The following AFDN variants were observed in gnomAD, a reference collection of about 807,000 sequenced individuals.
AFDN encodes the protein afadin.
A neutral mutation model predicts 216.6 loss-of-function variants in AFDN; 68 were observed. The ratio of observed to expected loss-of-function variants is 0.31; its 90% CI spans 0.26 to 0.38. The LOEUF (loss-of-function observed/expected upper bound fraction) is 0.38, where lower values mean the gene tolerates loss of function less well. Ranked by LOEUF, AFDN falls within the 10% of genes least tolerant of loss-of-function variation. AFDN has a pLI of 1.00. For missense variants in AFDN, 2,136 were observed against 2,342.0 expected (o/e 0.91, Z 1.82); for synonymous variants, 868 against 853.7 (o/e 1.02, Z -0.29).
At chr6:167,910,172 A>G (rs921430872) in intron 13 of AFDN, among the ~76,000 whole-genome samples, 10 of 152,232 alleles carry the variant, frequency 6.6e-5, no homozygotes, top group Non-Finnish European at 1.2e-4. Flanking sequence ...GTGCCTAGCA[A>G]TGGCTTTCAA....
intron 10 of AFDN, 97 bp downstream of exon 10, chr6:167,897,069 A>T: frequency 1.8e-6 from 1 of 558,954 alleles, no homozygotes; most frequent in East Asian, 3.4e-5. Context: ...AGGAATTATA[A>T]TTACCGACTT....
rs182784415 is a variant in AFDN, at chr6:167,872,964, T to C, written c.578+587T>C. ...TTTTTACTATAACAAAAAGAGTCAC[T>C]GGGAGAAACTAGACTTTCCCCTTAA... is the stretch of plus-strand genomic sequence containing the variant. On this transcript the variant is annotated intron_variant, in intron 4 of 33. Coordinates refer to ENST00000683244, the MANE Select transcript of AFDN (RefSeq NM_001386888.1). Among the ~76,000 whole-genome samples, 539 of 152,332 alleles carry C rather than the reference T, an allele frequency of 3.5e-3. 2 individuals are homozygous for C. The highest frequency in any genetic ancestry group is 7.0e-3 in the Admixed American group (107 of 15,300).
chr6:167,878,404 C>T (rs997818135), intron 5 of AFDN, among the ~76,000 whole-genome samples: 1 of 152,004 alleles, frequency 6.6e-6, no homozygotes, highest in Non-Finnish European at 1.5e-5. Flanking sequence ...AGTGTGCCTT[C>T]TGGTGTCATG....
At chr6:167,886,626 A>G (rs1259073106) in intron 6 of AFDN, among the ~76,000 whole-genome samples, 1 of 152,202 alleles carries the variant, frequency 6.6e-6, no homozygotes, top group South Asian at 2.1e-4. Context: ...TAATTTACCT[A>G]TAGAATAATT....
chr6:167,910,310 G>A (rs1233288704), intron 13 of AFDN, among the ~76,000 whole-genome samples: 1 of 152,218 alleles, frequency 6.6e-6, no homozygotes, highest in East Asian at 1.9e-4. Context: ...GCCAATGGGT[G>A]ATGACACACT....
chr6:167,905,063 A>G (rs1033838129), intron 12 of AFDN, among the ~76,000 whole-genome samples: 1 of 151,902 alleles, frequency 6.6e-6, no homozygotes, highest in Non-Finnish European at 1.5e-5. Context: ...TTCTTGTGCT[A>G]GTGTTTGTGC....
At chr6:167,967,729 C>T (rs1436570357) in intron 32 of AFDN, among the ~76,000 whole-genome samples, 3 of 152,146 alleles carry the variant, frequency 2.0e-5, no homozygotes, top group Non-Finnish European at 2.9e-5. Context: ...CATCTGATTG[C>T]TCCACCTCTT....
chr6:167,963,366 T>G, intron 31 of AFDN: 1 of 1,058,422 alleles, frequency 9.4e-7, no homozygotes, highest in Non-Finnish European at 1.1e-6. Context: ...TCTCTGTTAC[T>G]TCCCTTCTAT....
At chr6:167,969,066 T>G (rs1797827026) in intron 32 of AFDN, 48 bp from the exon 33 acceptor site, 3 of 1,419,882 alleles carry the variant, frequency 2.1e-6, no homozygotes, top group Non-Finnish European at 2.0e-6. Context: ...GAGTAAAGCT[T>G]AGAAATAATC....
At chr6:167,897,077 C>CT (rs11459878) in intron 10 of AFDN, 105 bp downstream of exon 10, 250,173 of 513,204 alleles carry the variant, frequency 0.49, 64,644 homozygotes, top group East Asian at 0.8. Context: ...TAATTACCGA[C>CT]TTGTATTTAA....
intron 3 of AFDN, 68 bp from the exon 4 acceptor site, chr6:167,872,146 C>T (rs540820732): frequency 3.4e-6 from 5 of 1,483,000 alleles, no homozygotes; most frequent in Non-Finnish European, 4.6e-6. Context: ...ATGAAGTTAC[C>T]TAAGCCGTAG....
At chr6:167,963,386 A>G in intron 31 of AFDN, 1 of 1,057,350 alleles carries the variant, frequency 9.5e-7, no homozygotes, top group Non-Finnish European at 1.1e-6. Flanking sequence ...TGAAGGTAGA[A>G]GCTTTCAGTG....
intron 6 of AFDN, among the ~76,000 whole-genome samples, chr6:167,887,604 C>T (rs1346055895): frequency 2.6e-5 from 4 of 151,956 alleles, no homozygotes; most frequent in Non-Finnish European, 4.4e-5. Context: ...TACAGGCGCA[C>T]GCTGCCATGT....
intron 15 of AFDN, 150 bp from the exon 16 acceptor site, chr6:167,913,253 G>A (rs1790629611): frequency 2.6e-6 from 2 of 783,076 alleles, no homozygotes; most frequent in Non-Finnish European, 4.1e-6. Flanking sequence ...AACCATAAAT[G>A]AAAATGTTAT....
intron 8 of AFDN, among the ~76,000 whole-genome samples, chr6:167,892,316 GT>G (rs1787714396): frequency 6.6e-6 from 1 of 152,192 alleles, no homozygotes; most frequent in African/African-American, 2.4e-5. Flanking sequence ...TCCCAGTATT[GT>G]TGTGTGTCTA....
At chr6:167,924,377 G>T (rs369612207) in intron 22 of AFDN, among the ~76,000 whole-genome samples, 1 of 152,156 alleles carries the variant, frequency 6.6e-6, no homozygotes, top group African/African-American at 2.4e-5. Context: ...CATTCTTTGA[G>T]TCTGTCAGGA....
chr6:167,898,559 T>G (rs1358999430), intron 11 of AFDN, 92 bp downstream of exon 11: 4 of 1,334,348 alleles, frequency 3.0e-6, no homozygotes, highest in Middle Eastern at 2.2e-4. Flanking sequence ...TATTTTTGTT[T>G]CAATTTTTAA....
At chr6:167,900,274 A>G (rs1479551889) in intron 11 of AFDN, among the ~76,000 whole-genome samples, 2 of 152,196 alleles carry the variant, frequency 1.3e-5, no homozygotes, top group Non-Finnish European at 2.9e-5. Context: ...ATACCCTCCA[A>G]TGCAGATTTC....
At chr6:167,929,401 CA>C (rs1792993428) in intron 23 of AFDN, among the ~76,000 whole-genome samples, 1 of 152,154 alleles carries the variant, frequency 6.6e-6, no homozygotes, top group Non-Finnish European at 1.5e-5. Flanking sequence ...TACATACAGT[CA>C]AAAAGATGGA....
Sources: gnomAD v4.1 joint callset for allele counts (sites outside exome capture counted in the v4.1 genomes callset) on GRCh38, gnomAD v4.1.1 for gene constraint, MANE v1.5 for transcripts, NCBI Gene and HGNC (gene_info 2026-07-23, HGNC 2026-07-21) for gene names.